The following HTR3E variants were observed in gnomAD, a reference collection of about 807,000 sequenced individuals.
The protein encoded by HTR3E is 5-hydroxytryptamine (serotonin) receptor 3, family member E.
In HTR3E, 38 loss-of-function variants were observed where a neutral mutation model predicts 38.0. The observed-to-expected ratio is 1.00, with a 90% confidence interval of 0.77 to 1.31. The LOEUF (loss-of-function observed/expected upper bound fraction) is 1.31, where lower values mean the gene tolerates loss of function less well. Among genes scored for constraint, HTR3E ranks in the 50% most tolerant of loss-of-function variants. The probability of loss-of-function intolerance (pLI) is 0.00; values close to 1 mark genes in which losing one functional copy is unlikely to be tolerated. For synonymous variants in HTR3E, 210 were observed against 232.9 expected, an observed-to-expected ratio of 0.90 and a Z score of 0.89; for missense variants, 547 against 585.2, an observed-to-expected ratio of 0.93 and a Z score of 0.67.
chr3:184,103,721 C>T (rs568029914), intron 3 of HTR3E, among the ~76,000 whole-genome samples: 1 of 150,826 alleles, frequency 6.6e-6, no homozygotes, highest in East Asian at 1.9e-4. Flanking sequence ...CGCTTGAACC[C>T]GAGAGGTGGA....
intron 1 of HTR3E, among the ~76,000 whole-genome samples, chr3:184,099,442 C>A (rs141828188): frequency 0.013 from 2,043 of 151,902 alleles, 38 homozygotes; most frequent in African/African-American, 0.047. Context: ...AGGCCGGGCA[C>A]GGTGGCTCAC....
chr3:184,105,547 T>A, intron 6 of HTR3E, 120 bp downstream of exon 6: 1 of 1,192,250 alleles, frequency 8.4e-7, no homozygotes. Flanking sequence ...TCTCCTGGCT[T>A]CCCAGCCTCA....
At chr3:184,099,601 C>G (rs189582285) in intron 1 of HTR3E, among the ~76,000 whole-genome samples, 2 of 149,690 alleles carry the variant, frequency 1.3e-5, no homozygotes, top group African/African-American at 5.0e-5. Flanking sequence ...GTAGTCCCAG[C>G]TACTCGGGAG....
At chr3:184,099,869 T>C (rs1207063946) in intron 1 of HTR3E, among the ~76,000 whole-genome samples, 2 of 152,118 alleles carry the variant, frequency 1.3e-5, no homozygotes, top group Non-Finnish European at 2.9e-5. Flanking sequence ...GCAGTCGGGG[T>C]GAAAACAGGT....
At position 184,097,466 on chromosome 3, in the gene HTR3E, G is replaced by A. The variant is rs1373530692; in HGVS notation, c.-64G>A. On this transcript the variant is annotated 5_prime_UTR_variant, in exon 1 of 9. Coordinates refer to ENST00000415389, the MANE Select transcript of HTR3E (RefSeq NM_001256613.2). Reference sequence around the variant, plus strand: ...AAGTCAGACTCTAGGTGTGGCCTGTGCTGCTTTAATCTGGGCATTCCTGGG... The same window carrying A: ...AAGTCAGACTCTAGGTGTGGCCTGTACTGCTTTAATCTGGGCATTCCTGGG... The A allele has an allele frequency of 1.7e-6, 2 of 1,205,598 alleles. No homozygotes were observed. Among genetic ancestry groups the A allele is most frequent in the Admixed American group, 2.0e-5 (1 of 50,152 alleles). 74.7% of individuals were successfully genotyped at this position (1,205,598 alleles called of 1,614,324 possible).
chr3:184,105,259 A>G lies in HTR3E; in HGVS notation c.560-8A>G. On this transcript the variant is annotated splice_region_variant and splice_polypyrimidine_tract_variant and intron_variant, in intron 5 of 8. Transcript: ENST00000415389. The stretch of plus-strand genomic sequence containing the variant: ...TTGAAAAATGATTCAGATGGTTCTC[A>G]TTTTCAGTGGACAGCATGTTGCTGG... The G allele has an allele frequency of 6.2e-7, 1 of 1,600,596 alleles. No homozygotes were observed. The highest frequency in any genetic ancestry group is 8.5e-7 in the Non-Finnish European group (1 of 1,174,736).
chr3:184,105,770 C>T lies in HTR3E; in HGVS notation c.726C>T (p.Ala242=). The T allele has an allele frequency of 6.2e-7, 1 of 1,613,840 alleles. No homozygotes were observed. Among genetic ancestry groups the T allele is most frequent in the Non-Finnish European group, 8.5e-7 (1 of 1,179,738 alleles). ...ACCCTCTCCTACCCCACCAGGTGGC[C>T]ATCAGGCGCAGGCCCAGTCTCTATG... ...NLYDQIVFYV[A]IRRRPSLYVI... The change falls in exon 7 of 9, where the codon GCC becomes GCT. Residue 242 remains alanine (A), a synonymous_variant. Transcript: ENST00000415389.
In HTR3E at chr3:184,106,417, C is replaced by T; in HGVS notation, c.1142-47C>T. On this transcript the variant is annotated intron_variant, in intron 8 of 8. Coordinates refer to ENST00000415389, the MANE Select transcript of HTR3E (RefSeq NM_001256613.2). This position sits in a 1 kb window ranked among gnomAD's most constrained non-coding sequence, Gnocchi z 4.1. ...GCCTCCTTCCCTGTCTCCCTCCCTCCACAGGTGACATTTGCAGCCCATGGC... is the reference window on the plus strand; with the variant it reads ...GCCTCCTTCCCTGTCTCCCTCCCTCTACAGGTGACATTTGCAGCCCATGGC... The T allele has an allele frequency of 6.4e-7, 1 of 1,554,584 alleles. No individual in the cohort carries two copies. The highest frequency in any genetic ancestry group is 8.7e-7 in the Non-Finnish European group (1 of 1,149,380).
rs1008961400 is a variant in HTR3E, at chr3:184,100,416, T to G, written c.68-69T>G. The G allele has an allele frequency of 3.1e-6, 5 of 1,613,228 alleles. No homozygotes were observed. In the African/African-American group the frequency reaches 6.7e-5, roughly 22 times the overall value. ...TCACGGGCGACCCCACGCCCTGCCT[T>G]GGGGCCCCTCTCATATAGGGAGCAC... On this transcript the variant is annotated intron_variant, in intron 1 of 8. Transcript: ENST00000415389.
rs763357983 is a variant in HTR3E at position 184,106,208 on chromosome 3, G to T, written c.1006G>T (p.Ala336Ser). The T allele has an allele frequency of 1.9e-6, 3 of 1,612,608 alleles. No homozygotes were observed. The highest frequency in any genetic ancestry group is 2.5e-6 in the Non-Finnish European group (3 of 1,179,956). Residue 336 changes from alanine (A) to serine (S), a missense_variant, in exon 8 of 9, where the codon GCC becomes TCC. By Grantham distance (99) the Ala-to-Ser change is moderately conservative. Coordinates refer to ENST00000415389, the MANE Select transcript of HTR3E (RefSeq NM_001256613.2). This position sits in a 1 kb window ranked among gnomAD's most constrained non-coding sequence, Gnocchi z 4.1. ...TIFITHLLHV[A>S]TTQPPPLPRW... ...CTTCATCACCCACCTGCTGCACGTG[G>T]CCACCACCCAGCCCCCACCCCTGCC...
chr3:184,100,509 A>T lies in HTR3E; in HGVS notation c.92A>T (p.Asn31Ile). The part of the protein sequence containing the change: ...LQGRGVTFTI[N>I]CSGFGQHGAD... ...GGAAGGGGCGTTACTTTCACCATCAATTGCTCAGGGTTTGGCCAGCACGGG... is the reference window on the plus strand; with the variant it reads ...GGAAGGGGCGTTACTTTCACCATCATTTGCTCAGGGTTTGGCCAGCACGGG... The change falls in exon 2 of 9, where the codon AAT (asparagine) becomes ATT (isoleucine). Residue 31 changes from asparagine (N) to isoleucine (I), a missense_variant. Coordinates refer to ENST00000415389, the MANE Select transcript of HTR3E (RefSeq NM_001256613.2). 6.2e-7 allele frequency: 1 copy of T among 1,614,012 alleles called. No individual in the cohort carries two copies.
chr3:184,099,915 C>A (rs893941794), intron 1 of HTR3E, among the ~76,000 whole-genome samples: 3 of 152,052 alleles, frequency 2.0e-5, no homozygotes, highest in Admixed American at 1.3e-4. Context: ...GTAATCCTAT[C>A]GGATGACTAT....
At position 184,106,530 on chromosome 3, in the gene HTR3E, G is replaced by T. The variant is rs776094089; in HGVS notation, c.1208G>T (p.Gly403Val). The T allele has an allele frequency of 5.0e-6, 8 of 1,613,634 alleles. No individual in the cohort carries two copies. The highest frequency in any genetic ancestry group is 6.8e-6 in the Non-Finnish European group (8 of 1,179,734). Residue 403 changes from glycine (G) to valine (V), a missense_variant, in exon 9 of 9, where the codon GGC becomes GTC. By Grantham distance (109) the Gly-to-Val change is moderately radical. Coordinates refer to ENST00000415389, the MANE Select transcript of HTR3E (RefSeq NM_001256613.2). The surrounding 1 kb of genome is among the most constrained non-coding windows in gnomAD (Gnocchi z 4.1). ...CCTGCGGAGGCAGAGCTGACAGGGG[G>T]CTCAGAATGGACAAGGGCCCAGCGG... ...PGPAEAELTG[G>V]SEWTRAQREH...
At chr3:184,104,398 A>C (rs747759553) in intron 4 of HTR3E, 107 bp downstream of exon 4, 1 of 1,491,714 alleles carries the variant, frequency 6.7e-7, no homozygotes, top group Middle Eastern at 2.2e-4. Context: ...GCTAAGAAAC[A>C]ACCAGAGAGA....
chr3:184,104,238 G>A lies in HTR3E; in HGVS notation c.336G>A (p.Lys112=). 1 of 1,613,448 alleles carries A rather than the reference G, an allele frequency of 6.2e-7. No individual in the cohort carries two copies. The change falls in exon 4 of 9, where the codon AAG becomes AAA. Residue 112 remains lysine (K), a synonymous_variant. Coordinates refer to ENST00000415389, the MANE Select transcript of HTR3E (RefSeq NM_001256613.2). ...WNPEECEGIT[K]MSMAAKNLWL... The stretch of plus-strand genomic sequence containing the variant: ...CAGAGGAATGTGAGGGCATCACGAA[G>A]ATGAGTATGGCAGCCAAGAACCTGT...
At position 184,106,273 on chromosome 3, in the gene HTR3E, G is replaced by A. The variant is rs555854728; in HGVS notation, c.1071G>A (p.Pro357=). The change falls in exon 8 of 9, where the codon CCG becomes CCA. Residue 357 remains proline, a synonymous_variant. Coordinates refer to ENST00000415389, the MANE Select transcript of HTR3E (RefSeq NM_001256613.2). This position sits in a 1 kb window ranked among gnomAD's most constrained non-coding sequence, Gnocchi z 4.1. Reference sequence around the variant, plus strand: ...CCCTGCTGCTCCACTGCAACAGCCCGGGGAGATGCTGTCCCACTGCGCCCC... The same window carrying A: ...CCCTGCTGCTCCACTGCAACAGCCCAGGGAGATGCTGTCCCACTGCGCCCC... ...LHSLLLHCNS[P]GRCCPTAPQK... The A allele has an allele frequency of 6.6e-5, 107 of 1,612,996 alleles. 1 individual carries two copies. Among genetic ancestry groups the A allele is most frequent in the South Asian group, 5.5e-4 (50 of 90,982 alleles).
At chr3:184,097,666 T>A (rs1033710895) in intron 1 of HTR3E, 70 bp downstream of exon 1, 15 of 1,186,656 alleles carry the variant, frequency 1.3e-5, no homozygotes, top group Non-Finnish European at 1.7e-5. Context: ...ATCTAGGAAC[T>A]TTTTTCAAAT....
In HTR3E at chr3:184,100,374, T is replaced by C. The variant is rs200567128; in HGVS notation, c.68-111T>C. The stretch of plus-strand genomic sequence containing the variant: ...TGACACACAGCCAGTGCTCAACAAA[T>C]GTTAGCTTTCATTTTATCACGGGCG... On this transcript the variant is annotated intron_variant, in intron 1 of 8. Transcript: ENST00000415389. The C allele has an allele frequency of 2.4e-5, 39 of 1,613,500 alleles. No homozygotes were observed. In the East Asian group the frequency reaches 8.7e-4, roughly 36 times the overall value.
rs1577015584 is a variant in HTR3E at position 184,106,525 on chromosome 3, A to AGG, written c.1207_1208dup (p.Ser404AlafsTer91). Reference sequence around the variant, plus strand: ...CGGGCCCTGCGGAGGCAGAGCTGACAGGGGGCTCAGAATGGACAAGGGCCC... The same window carrying AGG: ...CGGGCCCTGCGGAGGCAGAGCTGACAGGGGGGGCTCAGAATGGACAAGGGCCC... On this transcript the variant is annotated frameshift_variant, in exon 9 of 9. Transcript: ENST00000415389. LOFTEE classifies it low-confidence loss of function (END_TRUNC). This position sits in a 1 kb window ranked among gnomAD's most constrained non-coding sequence, Gnocchi z 4.1. The AGG allele has an allele frequency of 6.2e-6, 10 of 1,613,422 alleles. No individual in the cohort carries two copies. In the East Asian group the frequency reaches 2.2e-4, roughly 36 times the overall value.
Sources: allele counts gnomAD v4.1 joint callset (sites outside exome capture counted in the v4.1 genomes callset), GRCh38; gene constraint gnomAD v4.1.1; non-coding constraint Gnocchi (gnomAD v3.1); transcripts MANE v1.5; gene names NCBI Gene and HGNC (gene_info 2026-07-23, HGNC 2026-07-21).